ADGRG1: variants seen among roughly 807,000 people sequenced by gnomAD.
ADGRG1 encodes the protein adhesion G protein-coupled receptor G1.
Under a neutral mutation model 73.5 loss-of-function variants are expected in ADGRG1, and 53 were observed. That is an observed-to-expected ratio of 0.72 (90% CI 0.58 to 0.91). The LOEUF is 0.91. ADGRG1 is among the 40% of genes least tolerant of loss of function. ADGRG1 has a pLI of 0.00. For missense variants in ADGRG1, 795 were observed against 871.8 expected (o/e 0.91, Z 1.11); for synonymous variants, 394 against 374.4 (o/e 1.05, Z -0.60).
At chr16:57,652,970 C>A (rs62036133) in intron 3 of ADGRG1, 1 of 1,406,226 alleles carries the variant, frequency 7.1e-7, no homozygotes, top group Non-Finnish European at 9.3e-7. Context: ...CATCCCACCC[C>A]ATCCCGCTGG....
Position 57,663,447 on chromosome 16 carries a change from C to A in ADGRG1, c.1934-5C>A. 6.2e-7 allele frequency: 1 copy of A among 1,613,880 alleles called. No individual in the cohort carries two copies. The highest frequency in any genetic ancestry group is 8.5e-7 in the Non-Finnish European group (1 of 1,179,952). On this transcript the variant is annotated splice_polypyrimidine_tract_variant and splice_region_variant and intron_variant, in intron 13 of 13. Transcript: ENST00000562631. The stretch of plus-strand genomic sequence containing the variant: ...CTGCTGACCCCGTGCCCTCACTGCC[C>A]GCAGGCTTCCTCATCTTCATCTGGT...
chr16:57,657,798 G>A (rs573399461), intron 10 of ADGRG1, among the ~76,000 whole-genome samples: 2 of 152,194 alleles, frequency 1.3e-5, no homozygotes, highest in South Asian at 4.2e-4. Context: ...CTGGAGTGTA[G>A]TAGCATGATC....
At chr16:57,627,146 C>T (rs1408394806), upstream of ADGRG1, 2 of 963,346 alleles carry the variant, frequency 2.1e-6, no homozygotes, top group Non-Finnish European at 2.5e-6. Flanking sequence ...TTCCTTTCTG[C>T]AGCTTGATTT....
chr16:57,625,036 A>C (rs1277541952), upstream of ADGRG1, among the ~76,000 whole-genome samples: 1 of 152,062 alleles, frequency 6.6e-6, no homozygotes, highest in Non-Finnish European at 1.5e-5. Flanking sequence ...GCCTGAACCC[A>C]GAGTCTGTGA....
In ADGRG1 at chr16:57,665,353, C is replaced by T. The variant is rs1247142937; in HGVS notation, c.*1771C>T. 1 of 152,200 alleles carries T rather than the reference C, an allele frequency of 6.6e-6. No individual in the cohort carries two copies. Among genetic ancestry groups the T allele is most frequent in the East Asian group, 1.9e-4 (1 of 5,200 alleles). 9.4% of individuals were successfully genotyped at this position (152,200 alleles called of 1,614,324 possible). On this transcript the variant is annotated 3_prime_UTR_variant, in exon 14 of 14. Coordinates refer to ENST00000562631, the MANE Select transcript of ADGRG1 (RefSeq NM_201525.4). ...GGTCACTACCTTGCAGGGATGAGGGCCCATGTAGCCAGACCACCTGCCTTT... is the reference window on the plus strand; with the variant it reads ...GGTCACTACCTTGCAGGGATGAGGGTCCATGTAGCCAGACCACCTGCCTTT...
intron 1 of ADGRG1, chr16:57,633,030 C>T: frequency 1.2e-6 from 1 of 831,102 alleles, no homozygotes; most frequent in South Asian, 5.5e-5. Context: ...TCTCTGTCCT[C>T]CTAGTACCCC....
intron 2 of ADGRG1, 64 bp downstream of exon 2, chr16:57,650,415 G>T (rs1176321409): frequency 1.7e-5 from 28 of 1,611,504 alleles, no homozygotes; most frequent in Non-Finnish European, 7.6e-6. Context: ...TGTGCCTAGG[G>T]TGGCTGCCAG....
intron 1 of ADGRG1, chr16:57,630,281 G>A: frequency 1.3e-6 from 1 of 774,520 alleles, no homozygotes; most frequent in South Asian, 5.8e-5. Context: ...CTGCCAAGTT[G>A]GCTCCCCAGA....
intron 11 of ADGRG1, chr16:57,660,263 G>A: frequency 2.0e-6 from 2 of 985,344 alleles, no homozygotes; most frequent in Non-Finnish European, 1.2e-6. Context: ...TCGCGGGTTT[G>A]TCATTGGGCC....
At chr16:57,658,303 C>T (rs1341329908) in intron 10 of ADGRG1, among the ~76,000 whole-genome samples, 1 of 152,126 alleles carries the variant, frequency 6.6e-6, no homozygotes, top group Non-Finnish European at 1.5e-5. Flanking sequence ...TCACAACAGC[C>T]CTATGAAGGA....
intron 9 of ADGRG1, 72 bp from the exon 10 acceptor site, chr16:57,657,301 C>A: frequency 6.2e-7 from 1 of 1,608,614 alleles, no homozygotes; most frequent in Non-Finnish European, 8.5e-7. Context: ...CAGGTTAGCC[C>A]CTCACGCAGG....
At chr16:57,621,939 C>G (rs1464768994) in intron 2 of ADGRG1, 1 of 877,932 alleles carries the variant, frequency 1.1e-6, no homozygotes, top group Non-Finnish European at 1.4e-6. Flanking sequence ...TTCTGCTGCC[C>G]TCTCCACTGG....
rs370442047 is a variant in ADGRG1 at position 57,645,194 on chromosome 16, A to T, written c.-35-5059A>T. 1.2e-5 allele frequency: 12 copies of T among 985,460 alleles called. No homozygotes were observed. The East Asian group carries it at 3.4e-4, about 28-fold the overall frequency. The allele number at this position is 985,460 out of a possible 1,614,324, so 61.0% of individuals were successfully genotyped here. On this transcript the variant is annotated intron_variant, in intron 1 of 13. Coordinates refer to ENST00000562631, the MANE Select transcript of ADGRG1 (RefSeq NM_201525.4). ...GTGCCCCAGCAGCCCACAGGAGAGC[A>T]GCTGCGGACGGGAGGGGAGCTAGGG...
intron 1 of ADGRG1, chr16:57,635,108 C>T (rs2039027554): frequency 1.0e-6 from 1 of 985,298 alleles, no homozygotes; most frequent in Non-Finnish European, 1.2e-6. Context: ...AGGACACCCA[C>T]CTCCTGAATC....
intron 2 of ADGRG1, 27 bp from the exon 3 acceptor site, chr16:57,651,172 GT>G: frequency 6.2e-7 from 1 of 1,613,434 alleles, no homozygotes; most frequent in East Asian, 2.2e-5. Flanking sequence ...CTGCCACGGG[GT>G]CCCATCTGCA....
intron 1 of ADGRG1, chr16:57,636,691 G>A: frequency 1.0e-6 from 1 of 985,202 alleles, no homozygotes; most frequent in Non-Finnish European, 1.2e-6. Context: ...TGCCTGCCCT[G>A]GGTTAGAGTC....
chr16:57,660,362 C>G, intron 11 of ADGRG1: 1 of 984,984 alleles, frequency 1.0e-6, no homozygotes, highest in Non-Finnish European at 1.2e-6. Flanking sequence ...GCAGCCCCCT[C>G]TAGGGAGCTT....
chr16:57,639,797 C>A, intron 1 of ADGRG1: 1 of 823,700 alleles, frequency 1.2e-6, no homozygotes, highest in Non-Finnish European at 1.5e-6. Context: ...CTCCTTCCTC[C>A]CCATCCCTTC....
chr16:57,645,062 C>T (rs1305672502), intron 1 of ADGRG1: 3 of 984,638 alleles, frequency 3.0e-6, no homozygotes, highest in Non-Finnish European at 2.4e-6. Flanking sequence ...CTCATGCACA[C>T]GCACACACAC....
Sources: allele counts gnomAD v4.1 joint callset (sites outside exome capture counted in the v4.1 genomes callset), GRCh38; gene constraint gnomAD v4.1.1; transcripts MANE v1.5; gene names NCBI Gene and HGNC (gene_info 2026-07-23, HGNC 2026-07-21).